The following SPINK5 variants were observed in gnomAD, a reference collection of about 807,000 sequenced individuals.
SPINK5 encodes the protein serine peptidase inhibitor Kazal type 5.
A neutral mutation model predicts 151.8 loss-of-function variants in SPINK5; 125 were observed. The ratio of observed to expected loss-of-function variants is 0.82; its 90% CI spans 0.71 to 0.96. SPINK5 has a LOEUF of 0.96. Among genes scored for constraint, SPINK5 ranks in the 40% least tolerant of loss-of-function variants. The probability of loss-of-function intolerance (pLI) is 0.00; values close to 1 mark genes in which losing one functional copy is unlikely to be tolerated. For synonymous variants in SPINK5, 374 were observed against 395.3 expected, an observed-to-expected ratio of 0.95 and a Z score of 0.64; for missense variants, 1,194 against 1,291.9, an observed-to-expected ratio of 0.92 and a Z score of 1.16.
rs142037309 is a variant in SPINK5, at chr5:148,075,512, T to C, written c.282+3292T>C. ...TCTTAAGTAAGGTGAATCTCCACTT[T>C]TATCTTTTAAATAATTCTTATCTGG... On this transcript the variant is annotated intron_variant, in intron 4 of 32. Coordinates refer to ENST00000256084, the MANE Select transcript of SPINK5 (RefSeq NM_006846.4). 7.4e-3 allele frequency among the ~76,000 whole-genome samples: 1,122 copies of C among 151,840 alleles called. 37 individuals carry two copies. The highest frequency in any genetic ancestry group is 0.062 in the Admixed American group (938 of 15,182).
At chr5:148,122,348 G>T (rs1279360343) in intron 26 of SPINK5, among the ~76,000 whole-genome samples, 5 of 152,166 alleles carry the variant, frequency 3.3e-5, no homozygotes, top group African/African-American at 1.2e-4. Flanking sequence ...TAATTCCAGA[G>T]AATTTTTTAA....
At chr5:148,128,705 A>G (rs1286271795) in intron 30 of SPINK5, among the ~76,000 whole-genome samples, 2 of 152,054 alleles carry the variant, frequency 1.3e-5, no homozygotes, top group Non-Finnish European at 2.9e-5. Flanking sequence ...TTGTATTTTT[A>G]GTAGAGACGG....
Position 148,099,263 on chromosome 5 carries a change from C to T in SPINK5, c.1040C>T (p.Ala347Val). 1.2e-6 allele frequency: 2 copies of T among 1,611,828 alleles called. No individual in the cohort carries two copies. The highest frequency in any genetic ancestry group is 2.2e-5 in the East Asian group (1 of 44,720). The change falls in exon 12 of 33, where the codon GCT (alanine) becomes GTT (valine). Residue 347 changes from alanine to valine, a missense_variant. Ala to Val is a moderately conservative substitution (Grantham distance 64). Coordinates refer to ENST00000256084, the MANE Select transcript of SPINK5 (RefSeq NM_006846.4). ...GCAGAAAATGAAGAAAAGAAAAAGGCTGAAGCACGAGCTAGAAACAAAAGA... is the reference window on the plus strand; with the variant it reads ...GCAGAAAATGAAGAAAAGAAAAAGGTTGAAGCACGAGCTAGAAACAAAAGA... Reference protein sequence around the residue: ...FQAENEEKKKAEARARNKRES... With the variant: ...FQAENEEKKKVEARARNKRES...
chr5:148,090,852 A>G, intron 7 of SPINK5: 1 of 318,994 alleles, frequency 3.1e-6, no homozygotes, highest in Non-Finnish European at 5.8e-6. Context: ...AAGGTGTCAC[A>G]CCCATTCAGT....
intron 4 of SPINK5, among the ~76,000 whole-genome samples, chr5:148,080,482 G>A (rs114875219): frequency 0.019 from 2,802 of 151,338 alleles, 41 homozygotes; most frequent in South Asian, 0.094. Flanking sequence ...ACAGCGTGCC[G>A]TTATTTCAAG....
At chr5:148,105,053 T>A in intron 16 of SPINK5, 53 bp downstream of exon 16, 2 of 1,559,662 alleles carry the variant, frequency 1.3e-6, no homozygotes, top group Non-Finnish European at 8.8e-7. Flanking sequence ...CATTTCTTTA[T>A]AATTCTTTAC....
At chr5:148,126,514 T>G (rs1385898500) in intron 29 of SPINK5, among the ~76,000 whole-genome samples, 2 of 152,322 alleles carry the variant, frequency 1.3e-5, no homozygotes, top group East Asian at 1.9e-4. Flanking sequence ...CAGCTCCTAA[T>G]TGTGTACTTT....
chr5:148,123,777 T>A, intron 26 of SPINK5, 56 bp from the exon 27 acceptor site: 1 of 1,610,942 alleles, frequency 6.2e-7, no homozygotes, highest in Non-Finnish European at 8.5e-7. Flanking sequence ...AATCATGTTA[T>A]CAGGTTTGAA....
rs1363436133 is a variant in SPINK5, at chr5:148,101,904, T to C, written c.1426T>C (p.Phe476Leu). The C allele has an allele frequency of 6.2e-7, 1 of 1,613,450 alleles. No homozygotes were observed. Among genetic ancestry groups the C allele is most frequent in the East Asian group, 2.2e-5 (1 of 44,852 alleles). ...CAACACCTGCTCCATGTGTGAGGCC[T>C]TCTTGTGAGTAGAGCAGTAGCCCCA... ...HGNTCSMCEA[F>L]FQQEERARAK... The change falls in exon 15 of 33, where the codon TTC becomes CTC. Residue 476 changes from phenylalanine (F) to leucine (L), a missense_variant. Transcript: ENST00000256084.
At position 148,081,278 on chromosome 5, in the gene SPINK5, G is replaced by A. The variant is rs563804867; in HGVS notation, c.283-5127G>A. 2.4e-4 allele frequency among the ~76,000 whole-genome samples: 37 copies of A among 151,742 alleles called. 1 individual carries two copies. The South Asian group carries it at 7.7e-3, about 31-fold the overall frequency. On this transcript the variant is annotated intron_variant, in intron 4 of 32. Coordinates refer to ENST00000256084, the MANE Select transcript of SPINK5 (RefSeq NM_006846.4). ...AATTCAGTCCTAGGAATTCAGTGAA[G>A]TGAAAATACAGGTCCATAGAAAGTC... is the stretch of plus-strand genomic sequence containing the variant.
rs1430753529 is a variant in SPINK5 at position 148,120,337 on chromosome 5, C to A, written c.2484C>A (p.Asp828Glu). 3 of 1,604,190 alleles carry A rather than the reference C, an allele frequency of 1.9e-6. No individual in the cohort carries two copies. Among genetic ancestry groups the A allele is most frequent in the Non-Finnish European group, 1.7e-6 (2 of 1,174,696 alleles). Residue 828 changes from aspartate to glutamate, a missense_variant, in exon 26 of 33, where the codon GAC becomes GAA. Coordinates refer to ENST00000256084, the MANE Select transcript of SPINK5 (RefSeq NM_006846.4). The stretch of plus-strand genomic sequence containing the variant: ...AAAAAAAAAAGAAAGAGGATGAAGA[C>A]AGGAGCAATACAGGAGAAAGGAGCA... ...AAEKKKKEDEDRSNTGERSNT... is the reference protein window; with the variant it reads ...AAEKKKKEDEERSNTGERSNT...
rs199893956 is a variant in SPINK5 at position 148,113,138 on chromosome 5, A to G, written c.1887+204A>G. ...ATAGAATCTCTGTCACAACTACTCC[A>G]CTTGGCTGTTGTGACTGTAAAACAG... On this transcript the variant is annotated intron_variant, in intron 20 of 32. Transcript: ENST00000256084. 0.15 allele frequency among the ~76,000 whole-genome samples: 23,197 copies of G among 152,080 alleles called. 2,409 individuals carry two copies. The highest frequency in any genetic ancestry group is 0.32 in the East Asian group (1,638 of 5,146).
intron 31 of SPINK5, 135 bp downstream of exon 31, chr5:148,131,524 A>C: frequency 7.9e-7 from 1 of 1,269,764 alleles, no homozygotes; most frequent in Non-Finnish European, 1.1e-6. Flanking sequence ...TAAAAATTCA[A>C]AATTTGTGAA....
At chr5:148,091,121 A>ATGAT in intron 7 of SPINK5, 44 bp from the exon 8 acceptor site, 1 of 1,535,264 alleles carries the variant, frequency 6.5e-7, no homozygotes, top group Non-Finnish European at 9.0e-7. Context: ...TACTGAAAAT[A>ATGAT]TGATTGAGTC....
chr5:148,091,980 GT>G (rs1427340580), intron 8 of SPINK5, among the ~76,000 whole-genome samples: 1 of 151,878 alleles, frequency 6.6e-6, no homozygotes, highest in African/African-American at 2.4e-5. Context: ...TTGTTGAGAA[GT>G]CAGAACGCCT....
At chr5:148,098,666 G>GTTT (rs955335520) in intron 11 of SPINK5, among the ~76,000 whole-genome samples, 16 of 116,234 alleles carry the variant, frequency 1.4e-4, no homozygotes, top group Non-Finnish European at 2.2e-4. Context: ...AATTATTGTG[G>GTTT]TTTTTTTTTT....
chr5:148,135,957 C>CTGTT (rs1754685059), intron 32 of SPINK5, among the ~76,000 whole-genome samples: 1 of 152,020 alleles, frequency 6.6e-6, no homozygotes, highest in South Asian at 2.1e-4. Context: ...TGTACATTTT[C>CTGTT]TGTTTGTACT....
At chr5:148,111,172 T>G (rs1753915616) in intron 18 of SPINK5, among the ~76,000 whole-genome samples, 1 of 151,616 alleles carries the variant, frequency 6.6e-6, no homozygotes, top group African/African-American at 2.4e-5. Flanking sequence ...CCATGTTCCT[T>G]GGTTCTTGGA....
At chr5:148,093,864 A>T (rs1753381790) in intron 8 of SPINK5, among the ~76,000 whole-genome samples, 1 of 151,968 alleles carries the variant, frequency 6.6e-6, no homozygotes, top group Non-Finnish European at 1.5e-5. Flanking sequence ...AGTGCCAAGT[A>T]GTTGACAATA....
Sources: gnomAD v4.1 joint callset for allele counts (sites outside exome capture counted in the v4.1 genomes callset) on GRCh38, gnomAD v4.1.1 for gene constraint, MANE v1.5 for transcripts, NCBI Gene and HGNC (gene_info 2026-07-23, HGNC 2026-07-21) for gene names.